The following JMY variants were observed in gnomAD, a reference collection of about 807,000 sequenced individuals.
JMY encodes junction-mediating and -regulatory protein.
In JMY, 46 loss-of-function variants were observed where a neutral mutation model predicts 103.3. The ratio of observed to expected loss-of-function variants is 0.45; its 90% confidence interval spans 0.35 to 0.57. JMY has a LOEUF of 0.57. JMY is among the 20% of genes least tolerant of loss of function. The probability of loss-of-function intolerance (pLI) is 0.00; values close to 1 mark genes in which losing one functional copy is unlikely to be tolerated. For missense variants in JMY, 1,238 were observed against 1,255.2 expected (o/e 0.99, Z 0.21); for synonymous variants, 526 against 489.3 (o/e 1.07, Z -0.99).
intron 9 of JMY, 112 bp from the exon 10 acceptor site, chr5:79,315,887 GA>G: frequency 4.9e-6 from 4 of 824,284 alleles, no homozygotes; most frequent in Non-Finnish European, 8.0e-6. Context: ...CCATTTTGAA[GA>G]TGGTGTTTCA....
chr5:79,300,733 AGAAG>A lies in JMY; in HGVS notation c.1756_1759del (p.Glu586ArgfsTer70). 1 of 1,611,868 alleles carries A rather than the reference AGAAG, an allele frequency of 6.2e-7. No homozygotes were observed. The highest frequency in any genetic ancestry group is 8.5e-7 in the Non-Finnish European group (1 of 1,179,286). ...TACGAAAGCATGGAGGCCATGCTGGAGAAGGAAGAGATGGCAGCATCTGCGTACT... is the reference window on the plus strand; with the variant it reads ...TACGAAAGCATGGAGGCCATGCTGGAGAAGAGATGGCAGCATCTGCGTACT... On this transcript the variant is annotated frameshift_variant, in exon 6 of 11. Transcript: ENST00000396137. LOFTEE classifies it high-confidence loss of function.
intron 1 of JMY, among the ~76,000 whole-genome samples, chr5:79,250,483 A>C (rs1386188893): frequency 6.6e-6 from 1 of 152,108 alleles, no homozygotes. Flanking sequence ...GTCCCAGACA[A>C]CCCTGATCAC....
Position 79,290,198 on chromosome 5 carries a change from A to G in JMY, c.1284A>G (p.Lys428=), listed in dbSNP as rs775862307. The change falls in exon 3 of 11, where the codon AAA becomes AAG. Residue 428 remains lysine, a synonymous_variant. Coordinates refer to ENST00000396137, the MANE Select transcript of JMY (RefSeq NM_152405.5). ...LQKEDADWQR[K]AHMAVLSIQD... The stretch of plus-strand genomic sequence containing the variant: ...AAGAAGATGCTGATTGGCAGCGGAA[A>G]GCTCACATGGCTGTACTGTCTATTC... The G allele has an allele frequency of 6.3e-7, 1 of 1,599,046 alleles. No homozygotes were observed. Among genetic ancestry groups the G allele is most frequent in the East Asian group, 2.3e-5 (1 of 44,272 alleles).
At chr5:79,280,401 C>A (rs1337098249) in intron 2 of JMY, among the ~76,000 whole-genome samples, 2 of 152,198 alleles carry the variant, frequency 1.3e-5, no homozygotes, top group Non-Finnish European at 2.9e-5. Flanking sequence ...TGTCCACTAG[C>A]ATCACTTAAC....
chr5:79,276,973 G>A (rs929265084), intron 1 of JMY, among the ~76,000 whole-genome samples: 4 of 152,072 alleles, frequency 2.6e-5, no homozygotes, highest in African/African-American at 9.7e-5. Flanking sequence ...TTGGCCTCAA[G>A]CAATCCTCTT....
rs1747664816 is a variant in JMY at position 79,326,883 on chromosome 5, A to AGAGTTGGC, written c.*5281_*5282insGAGTTGGC. ...TGTATTGTAAATGCCAACTCTTGCA[A>AGAGTTGGC]ATTTACAATACTTAAATATGTTCAA... is the stretch of plus-strand genomic sequence containing the variant. On this transcript the variant is annotated 3_prime_UTR_variant, in exon 11 of 11. Coordinates refer to ENST00000396137, the MANE Select transcript of JMY (RefSeq NM_152405.5). 1 of 152,238 alleles carries AGAGTTGGC rather than the reference A, an allele frequency of 6.6e-6. No homozygotes were observed. Among genetic ancestry groups the AGAGTTGGC allele is most frequent in the Non-Finnish European group, 1.5e-5 (1 of 68,034 alleles). The allele number at this position is 152,238 out of a possible 1,614,324, so 9.4% of individuals were successfully genotyped here.
At chr5:79,283,282 C>A (rs958466145) in intron 2 of JMY, among the ~76,000 whole-genome samples, 1 of 152,158 alleles carries the variant, frequency 6.6e-6, no homozygotes, top group South Asian at 2.1e-4. Flanking sequence ...AGCCACTGCA[C>A]CCAGCCGTCA....
At chr5:79,291,098 G>T (rs1447872320) in intron 3 of JMY, 32 bp from the exon 4 acceptor site, 2 of 1,463,408 alleles carry the variant, frequency 1.4e-6, no homozygotes, top group Non-Finnish European at 1.8e-6. Flanking sequence ...GTTGTTATTT[G>T]TCTTAATTTC....
At position 79,327,157 on chromosome 5, in the gene JMY, G is replaced by A. The variant is rs1747677494; in HGVS notation, c.*5555G>A. 6.6e-6 allele frequency: 1 copy of A among 152,098 alleles called. No individual in the cohort carries two copies. Among genetic ancestry groups the A allele is most frequent in the Admixed American group, 6.5e-5 (1 of 15,268 alleles). 9.4% of individuals were successfully genotyped at this position (152,098 alleles called of 1,614,324 possible). On this transcript the variant is annotated 3_prime_UTR_variant, in exon 11 of 11. Transcript: ENST00000396137. The stretch of plus-strand genomic sequence containing the variant: ...TGCAATGTAACAACCTACAGTTTTG[G>A]TGCTTTTAACAATATTCCTCTTTTT...
intron 2 of JMY, 130 bp downstream of exon 2, chr5:79,278,213 A>C (rs921224490): frequency 1.3e-6 from 1 of 773,046 alleles, no homozygotes; most frequent in African/African-American, 1.8e-5. Flanking sequence ...TATTTCTGCA[A>C]AGTTTCTTGT....
chr5:79,293,931 G>C (rs1258167316), intron 4 of JMY, among the ~76,000 whole-genome samples: 2 of 152,042 alleles, frequency 1.3e-5, no homozygotes, highest in African/African-American at 4.8e-5. Flanking sequence ...GTTAATCCAG[G>C]TTATCAGATA....
chr5:79,287,209 A>T (rs1406380262), intron 2 of JMY, among the ~76,000 whole-genome samples: 1 of 152,208 alleles, frequency 6.6e-6, no homozygotes, highest in Non-Finnish European at 1.5e-5. Flanking sequence ...GGCTTGGGTG[A>T]TGCTGACAGG....
intron 5 of JMY, 22 bp from the exon 6 acceptor site, chr5:79,300,654 C>CT (rs1355977953): frequency 6.4e-7 from 1 of 1,568,372 alleles, no homozygotes; most frequent in Non-Finnish European, 8.6e-7. Flanking sequence ...TACCACTACT[C>CT]TTTTTTGCTG....
chr5:79,261,721 C>T (rs1013645253), intron 1 of JMY, among the ~76,000 whole-genome samples: 1 of 152,140 alleles, frequency 6.6e-6, no homozygotes, highest in African/African-American at 2.4e-5. Context: ...ACCTGTCTCC[C>T]GGGCATATTT....
chr5:79,248,250 G>A lies in JMY; in HGVS notation c.1032+10568G>A, dbSNP rs1019060377. ...TCACCAAGTTGGCCAGGCTGGTCTC[G>A]AACTCCTGGCCTTATTTCCATTTTA... On this transcript the variant is annotated intron_variant, in intron 1 of 10. Transcript: ENST00000396137. Among the ~76,000 whole-genome samples the A allele has an allele frequency of 2.6e-5, 4 of 151,036 alleles. No individual in the cohort carries two copies. The South Asian group carries it at 8.4e-4, about 32-fold the overall frequency.
chr5:79,311,459 T>TG (rs904458542), intron 7 of JMY, among the ~76,000 whole-genome samples: 2 of 152,036 alleles, frequency 1.3e-5, no homozygotes, highest in African/African-American at 4.8e-5. Context: ...AAGAATAGAA[T>TG]GGGGGGTTGG....
chr5:79,246,727 G>A (rs1272312001), intron 1 of JMY, among the ~76,000 whole-genome samples: 2 of 151,994 alleles, frequency 1.3e-5, no homozygotes, highest in Admixed American at 6.6e-5. Context: ...CTAAAAATGC[G>A]AAAATTAGCT....
At chr5:79,319,622 C>G (rs1266315256) in intron 10 of JMY, among the ~76,000 whole-genome samples, 2 of 151,784 alleles carry the variant, frequency 1.3e-5, no homozygotes, top group African/African-American at 4.8e-5. Context: ...ACTCTTGTTG[C>G]CCAAGCTGGA....
At chr5:79,289,435 T>C (rs1366188301) in intron 2 of JMY, among the ~76,000 whole-genome samples, 1 of 152,140 alleles carries the variant, frequency 6.6e-6, no homozygotes, top group African/African-American at 2.4e-5. Context: ...CTGATAGCTA[T>C]TTCTCTGTAT....
Sources: gnomAD v4.1 joint callset for allele counts (sites outside exome capture counted in the v4.1 genomes callset) on GRCh38, gnomAD v4.1.1 for gene constraint, MANE v1.5 for transcripts, NCBI Gene and HGNC (gene_info 2026-07-23, HGNC 2026-07-21) for gene names.